The following ADAM9 variants were observed in gnomAD, a reference collection of about 807,000 sequenced individuals.
ADAM9 encodes ADAM metallopeptidase domain 9.
ADAM9 carries 54 observed loss-of-function variants against 108.1 expected under a neutral mutation model. The ratio of observed to expected loss-of-function variants is 0.50; its 90% CI spans 0.40 to 0.63. The LOEUF (loss-of-function observed/expected upper bound fraction) is 0.63, where lower values mean the gene tolerates loss of function less well. Among genes scored for constraint, ADAM9 ranks in the 20% least tolerant of loss-of-function variants. ADAM9 has a pLI of 0.00. For synonymous variants in ADAM9, 316 were observed against 336.0 expected, an observed-to-expected ratio of 0.94 and a Z score of 0.65; for missense variants, 830 against 997.7, an observed-to-expected ratio of 0.83 and a Z score of 2.26.
intron 18 of ADAM9, among the ~76,000 whole-genome samples, chr8:39,084,222 G>A (rs1034244982): frequency 6.6e-6 from 1 of 151,946 alleles, no homozygotes; most frequent in East Asian, 1.9e-4. Flanking sequence ...ACTGATTCAA[G>A]TATTCAAGTT....
chr8:39,064,002 G>A (rs753247768), intron 14 of ADAM9, among the ~76,000 whole-genome samples: 3 of 152,062 alleles, frequency 2.0e-5, no homozygotes, highest in Non-Finnish European at 4.4e-5. Context: ...CACTTATATG[G>A]TGCTTGAACT....
chr8:39,054,034 C>G (rs535848610), intron 12 of ADAM9, among the ~76,000 whole-genome samples: 14 of 152,008 alleles, frequency 9.2e-5, no homozygotes, highest in Non-Finnish European at 1.6e-4. Flanking sequence ...GAAGAGACAC[C>G]AAACATCTCA....
At chr8:39,064,241 T>C (rs957831370) in intron 14 of ADAM9, among the ~76,000 whole-genome samples, 1 of 152,178 alleles carries the variant, frequency 6.6e-6, no homozygotes, top group Non-Finnish European at 1.5e-5. Flanking sequence ...CGTTAACTTT[T>C]GGAAATAGAG....
intron 21 of ADAM9, 69 bp downstream of exon 21, chr8:39,101,999 C>T (rs1053321457): frequency 2.3e-6 from 3 of 1,282,688 alleles, no homozygotes; most frequent in Non-Finnish European, 3.4e-6. Flanking sequence ...AATAATTTCC[C>T]CTGTATTTTA....
rs1157285153 is a variant in ADAM9 at position 39,104,978 on chromosome 8, A to G, written c.*1278A>G. The G allele has an allele frequency of 2.3e-6, 1 of 427,354 alleles. No homozygotes were observed. Among genetic ancestry groups the G allele is most frequent in the Non-Finnish European group, 4.6e-6 (1 of 219,498 alleles). 26.5% of individuals were successfully genotyped at this position (427,354 alleles called of 1,614,324 possible). A position where few individuals can be genotyped will look rare whatever the true frequency, so the allele number is the denominator to read the frequency against. The stretch of plus-strand genomic sequence containing the variant: ...TACATATACAAATACAACATTTACA[A>G]TAAATAAAATACTTGAAATTCTCTT... On this transcript the variant is annotated 3_prime_UTR_variant, in exon 22 of 22. Transcript: ENST00000487273.
At chr8:39,037,520 C>T (rs1837324418) in intron 11 of ADAM9, among the ~76,000 whole-genome samples, 1 of 142,100 alleles carries the variant, frequency 7.0e-6, no homozygotes. Context: ...TAGCTCACTG[C>T]AGCCTTAAAC....
In ADAM9 at chr8:39,104,882, T is replaced by C. The variant is rs1839816615; in HGVS notation, c.*1182T>C. The C allele has an allele frequency of 2.3e-6, 1 of 442,496 alleles. No homozygotes were observed. Among genetic ancestry groups the C allele is most frequent in the Non-Finnish European group, 4.5e-6 (1 of 223,932 alleles). 27.4% of individuals were successfully genotyped at this position (442,496 alleles called of 1,614,324 possible). A position where few individuals can be genotyped will look rare whatever the true frequency, so the allele number is the denominator to read the frequency against. ...AAAATTTTTTCATAACCTTTCATAA[T>C]AAAGTTTAATAATAGGTTTATTAAC... On this transcript the variant is annotated 3_prime_UTR_variant, in exon 22 of 22. Coordinates refer to ENST00000487273, the MANE Select transcript of ADAM9 (RefSeq NM_003816.3).
At chr8:39,017,802 A>G (rs1180745039) in intron 6 of ADAM9, among the ~76,000 whole-genome samples, 1 of 152,184 alleles carries the variant, frequency 6.6e-6, no homozygotes, top group African/African-American at 2.4e-5. Flanking sequence ...TACATTACCC[A>G]GGCTGGTCTT....
chr8:39,066,734 G>C (rs1358244968), intron 14 of ADAM9, among the ~76,000 whole-genome samples: 1 of 152,154 alleles, frequency 6.6e-6, no homozygotes, highest in Non-Finnish European at 1.5e-5. Flanking sequence ...TTCTTTTGCT[G>C]TGCAGAAGCT....
At position 38,997,887 on chromosome 8, in the gene ADAM9, A is replaced by G. The variant is rs796373359; in HGVS notation, c.97+727A>G. 2.3e-4 allele frequency among the ~76,000 whole-genome samples: 35 copies of G among 152,370 alleles called. 1 individual carries two copies. The highest frequency in any genetic ancestry group is 8.4e-4 in the African/African-American group (35 of 41,584). On this transcript the variant is annotated intron_variant, in intron 1 of 21. Transcript: ENST00000487273. ...TTGAACTCACAGGATTATTGTAGGAATTAAATCATTTGTGTGAAATCGTTT... is the reference window on the plus strand; with the variant it reads ...TTGAACTCACAGGATTATTGTAGGAGTTAAATCATTTGTGTGAAATCGTTT...
At position 39,055,597 on chromosome 8, in the gene ADAM9, A is replaced by G; in HGVS notation, c.1416A>G (p.Leu472=). 1.2e-6 allele frequency: 2 copies of G among 1,613,698 alleles called. No homozygotes were observed. The highest frequency in any genetic ancestry group is 1.7e-6 in the Non-Finnish European group (2 of 1,179,686). ...ACTAGTTCCTTCCAGGAGGTACTTT[A>G]TGCCGAGGAAAAACCAGTGAGTGTG... The part of the protein sequence containing the change: ...KDCRFLPGGT[L]CRGKTSECDV... The change falls in exon 14 of 22, where the codon TTA becomes TTG. Residue 472 remains leucine (L), a synonymous_variant. Transcript: ENST00000487273.
At chr8:39,002,713 G>GTA (rs780068265) in intron 1 of ADAM9, among the ~76,000 whole-genome samples, 2 of 152,172 alleles carry the variant, frequency 1.3e-5, no homozygotes, top group African/African-American at 4.8e-5. Flanking sequence ...ACACTACAGT[G>GTA]TATAGAAAGA....
intron 3 of ADAM9, 113 bp downstream of exon 3, chr8:39,011,829 T>G: frequency 9.6e-7 from 1 of 1,036,276 alleles, no homozygotes; most frequent in Non-Finnish European, 1.5e-6. Flanking sequence ...TTAAGCAGAT[T>G]TAGCTCTTCA....
chr8:39,092,169 A>ACT (rs1839377324), intron 20 of ADAM9, among the ~76,000 whole-genome samples: 2 of 152,254 alleles, frequency 1.3e-5, no homozygotes, highest in African/African-American at 4.8e-5. Flanking sequence ...AATGTTTTAA[A>ACT]ACTTTTAAGA....
rs971287828 is a variant in ADAM9 at position 39,104,771 on chromosome 8, G to C, written c.*1071G>C. ...AAATACCTACAAAAAAGTTACTGTG[G>C]TATCTATGAGTTATCATCTTAGCTG... On this transcript the variant is annotated 3_prime_UTR_variant, in exon 22 of 22. Coordinates refer to ENST00000487273, the MANE Select transcript of ADAM9 (RefSeq NM_003816.3). The C allele has an allele frequency of 6.6e-6, 3 of 453,726 alleles. No homozygotes were observed. In the Admixed American group the frequency reaches 7.1e-5, roughly 11 times the overall value. 28.1% of individuals were successfully genotyped at this position (453,726 alleles called of 1,614,324 possible). A position where few individuals can be genotyped will look rare whatever the true frequency, so the allele number is the denominator to read the frequency against.
In ADAM9 at chr8:39,068,675, C is replaced by CAAAAAAAAAA. The variant is rs562274321; in HGVS notation, c.1592-2593_1592-2584dup. ...GAGTGACAAGAGTGAAACTTCTCCTCAAAAAAAAAAAAAAAAAAAAAAAAA... is the reference window on the plus strand; with the variant it reads ...GAGTGACAAGAGTGAAACTTCTCCTCAAAAAAAAAAAAAAAAAAAAAAAAAAAAAAAAAAA... On this transcript the variant is annotated intron_variant, in intron 14 of 21. Coordinates refer to ENST00000487273, the MANE Select transcript of ADAM9 (RefSeq NM_003816.3). 4.8e-4 allele frequency among the ~76,000 whole-genome samples: 20 copies of CAAAAAAAAAA among 42,044 alleles called. 2 individuals carry two copies. Among genetic ancestry groups the CAAAAAAAAAA allele is most frequent in the Non-Finnish European group, 7.9e-4 (17 of 21,616 alleles). 27.6% of individuals were successfully genotyped at this position (42,044 alleles called of 152,430 possible).
At chr8:39,060,963 A>G (rs1838280647) in intron 14 of ADAM9, among the ~76,000 whole-genome samples, 1 of 152,244 alleles carries the variant, frequency 6.6e-6, no homozygotes, top group Non-Finnish European at 1.5e-5. Flanking sequence ...ATTTGCTCAA[A>G]CAATGAAATA....
At chr8:39,072,431 T>G (rs1015920866) in intron 15 of ADAM9, among the ~76,000 whole-genome samples, 1 of 152,246 alleles carries the variant, frequency 6.6e-6, no homozygotes, top group African/African-American at 2.4e-5. Flanking sequence ...CATACAATAG[T>G]ACTTGACCTG....
Position 39,101,930 on chromosome 8 carries a change from G to A in ADAM9, c.2366G>A (p.Arg789Lys). Residue 789 changes from arginine to lysine, a missense_variant and splice_region_variant, in exon 21 of 22, where the codon AGG becomes AAG. This residue lies in a region of ADAM9 where 238 missense variants were observed against 235.7 expected (regional missense o/e 1.01). Transcript: ENST00000487273. ...AAKQPQQFPS[R>K]PPPPQPKVSS... ...AAGCAACCTCAGCAGTTCCCATCAA[G>A]GTCAGAAGAAAATTTGCTTAGATTT... 6.2e-7 allele frequency: 1 copy of A among 1,612,750 alleles called. No homozygotes were observed. The highest frequency in any genetic ancestry group is 8.5e-7 in the Non-Finnish European group (1 of 1,178,990).
Sources: gnomAD v4.1 joint callset for allele counts (sites outside exome capture counted in the v4.1 genomes callset) on GRCh38, gnomAD v4.1.1 for gene constraint, gnomAD v4.1.1 regional missense constraint, MANE v1.5 for transcripts, NCBI Gene and HGNC (gene_info 2026-07-23, HGNC 2026-07-21) for gene names.